TENM2: variants seen among roughly 807,000 people sequenced by gnomAD.
TENM2 encodes the protein teneurin-2.
Under a neutral mutation model 245.2 loss-of-function variants are expected in TENM2, and 52 were observed. The observed-to-expected ratio is 0.21, with a 90% CI of 0.17 to 0.27. TENM2 has a LOEUF of 0.27. Among genes scored for constraint, TENM2 ranks in the 10% least tolerant of loss-of-function variants. The pLI, the probability that TENM2 is intolerant of heterozygous loss-of-function variation, is 1.00. For synonymous variants in TENM2, 1,363 were observed against 1,438.9 expected (o/e 0.95, Z 1.19); for missense variants, 3,046 against 3,666.8 (o/e 0.83, Z 4.37).
At chr5:168,170,040 T>C (rs1758658193) in intron 13 of TENM2, among the ~76,000 whole-genome samples, 1 of 152,194 alleles carries the variant, frequency 6.6e-6, no homozygotes, top group Admixed American at 6.5e-5. Context: ...AGAATTAGCC[T>C]CAACTGAGAT....
chr5:167,467,539 C>G (rs1258026242), intron 2 of TENM2, among the ~76,000 whole-genome samples: 1 of 149,808 alleles, frequency 6.7e-6, no homozygotes, highest in African/African-American at 2.5e-5. Flanking sequence ...AAACAGTAAC[C>G]TTGTGCCATT....
the TENM2 span, among the ~76,000 whole-genome samples, chr5:167,226,698 T>G: frequency 2.0e-5 from 3 of 152,056 alleles, no homozygotes; most frequent in Non-Finnish European, 4.4e-5. Flanking sequence ...TTAGGTTCAT[T>G]TGGTCCAAAA....
rs79463782 is a variant in TENM2 at position 168,066,138 on chromosome 5, A to T, written c.1515+3873A>T. Among the ~76,000 whole-genome samples the T allele has an allele frequency of 1.1e-3, 171 of 152,354 alleles. 1 individual carries two copies. Among genetic ancestry groups the T allele is most frequent in the East Asian group, 9.8e-3 (51 of 5,186 alleles). On this transcript the variant is annotated intron_variant, in intron 7 of 28. Transcript: ENST00000518659. ...TGCTTCGCATGTCCCTCTTAGGTTAACAAGAACTTTGCTCAATGTCAACCT... is the reference window on the plus strand; with the variant it reads ...TGCTTCGCATGTCCCTCTTAGGTTATCAAGAACTTTGCTCAATGTCAACCT...
chr5:167,823,342 G>A (rs1198342836), intron 2 of TENM2, among the ~76,000 whole-genome samples: 18 of 152,078 alleles, frequency 1.2e-4, no homozygotes, highest in Non-Finnish European at 2.5e-4. Context: ...AAGCATGCAT[G>A]TGTGTGTGCA....
At chr5:167,217,836 T>C in the TENM2 span, among the ~76,000 whole-genome samples, 2 of 151,366 alleles carry the variant, frequency 1.3e-5, no homozygotes, top group South Asian at 2.1e-4. Context: ...TGGAAGTCCA[T>C]AGAAGCCGAC....
intron 2 of TENM2, among the ~76,000 whole-genome samples, chr5:167,492,584 A>C (rs1183385216): frequency 6.6e-6 from 1 of 152,176 alleles, no homozygotes; most frequent in African/African-American, 2.4e-5. Flanking sequence ...TATAGAATTT[A>C]CATGGCTATT....
Position 167,328,204 on chromosome 5 carries a change from GTTTTTT to G in TENM2, c.226+43159_226+43164del, listed in dbSNP as rs70976412. 1.9e-4 allele frequency among the ~76,000 whole-genome samples: 17 copies of G among 91,022 alleles called. No homozygotes were observed. The South Asian group carries it at 3.2e-3, about 17-fold the overall frequency. 59.7% of individuals were successfully genotyped at this position (91,022 alleles called of 152,430 possible). ...CAACAGTTCGATAGTTTCTCATATC[GTTTTTT>G]TTTTTTTTTTTTTTTTTGATGGATT... On this transcript the variant is annotated intron_variant, in intron 1 of 28. Transcript: ENST00000518659.
chr5:167,902,341 G>A (rs1480774190), intron 3 of TENM2, among the ~76,000 whole-genome samples: 2 of 152,190 alleles, frequency 1.3e-5, no homozygotes, highest in Non-Finnish European at 2.9e-5. Context: ...GGTGTGGACT[G>A]GGGTTGGAAT....
chr5:167,161,109 A>C, the TENM2 span, among the ~76,000 whole-genome samples: 1 of 152,256 alleles, frequency 6.6e-6, no homozygotes, highest in African/African-American at 2.4e-5. Flanking sequence ...TGTTTGAAGA[A>C]GATTGAACAT....
intron 15 of TENM2, among the ~76,000 whole-genome samples, chr5:168,198,494 C>A (rs1289919141): frequency 6.6e-6 from 1 of 152,164 alleles, no homozygotes; most frequent in African/African-American, 2.4e-5. Flanking sequence ...CCATGCCCTG[C>A]CCAATAAAAT....
At chr5:167,000,302 G>A in the TENM2 span, among the ~76,000 whole-genome samples, 1 of 152,280 alleles carries the variant, frequency 6.6e-6, no homozygotes, top group Non-Finnish European at 1.5e-5. Flanking sequence ...AACCTATTTG[G>A]ATTGTTAGAA....
chr5:167,874,317 A>G (rs1397983937), intron 2 of TENM2, among the ~76,000 whole-genome samples: 1 of 152,170 alleles, frequency 6.6e-6, no homozygotes, highest in Non-Finnish European at 1.5e-5. Flanking sequence ...TGTCTAGCGA[A>G]GTGCAGATAC....
chr5:167,630,566 G>T (rs763484746), intron 2 of TENM2, among the ~76,000 whole-genome samples: 17 of 152,182 alleles, frequency 1.1e-4, no homozygotes, highest in Non-Finnish European at 2.1e-4. Flanking sequence ...CCGCAAATAA[G>T]GGGGGAGTTA....
intron 1 of TENM2, among the ~76,000 whole-genome samples, chr5:167,368,111 G>A (rs1288191238): frequency 6.6e-6 from 1 of 151,728 alleles, no homozygotes; most frequent in Admixed American, 6.6e-5. Flanking sequence ...ATATTCAAAA[G>A]AACAAATGTT....
chr5:167,020,752 GA>G, the TENM2 span, among the ~76,000 whole-genome samples: 1 of 152,188 alleles, frequency 6.6e-6, no homozygotes, highest in Non-Finnish European at 1.5e-5. Context: ...CCAGAGAGAT[GA>G]AAAGTGGTAT....
At chr5:167,152,150 C>T in the TENM2 span, among the ~76,000 whole-genome samples, 4 of 152,148 alleles carry the variant, frequency 2.6e-5, no homozygotes, top group Admixed American at 2.0e-4. Context: ...TCTGATTTCT[C>T]GTATGTATTT....
chr5:167,174,397 C>T, the TENM2 span, among the ~76,000 whole-genome samples: 8 of 152,038 alleles, frequency 5.3e-5, no homozygotes, highest in African/African-American at 1.9e-4. Flanking sequence ...TCTCTAGTGC[C>T]CTTATTTCCC....
At chr5:167,909,641 T>A (rs977243540) in intron 3 of TENM2, among the ~76,000 whole-genome samples, 7 of 152,202 alleles carry the variant, frequency 4.6e-5, no homozygotes, top group African/African-American at 1.4e-4. Context: ...TTGCAAAGAT[T>A]AGAAATCTCA....
At chr5:168,046,363 G>C (rs1199076070) in intron 5 of TENM2, among the ~76,000 whole-genome samples, 5 of 152,188 alleles carry the variant, frequency 3.3e-5, no homozygotes, top group African/African-American at 1.2e-4. Flanking sequence ...CCTGTGTCCA[G>C]TGGAAATGCC....
Sources: allele counts gnomAD v4.1 joint callset (sites outside exome capture counted in the v4.1 genomes callset), GRCh38; gene constraint gnomAD v4.1.1; transcripts MANE v1.5; gene names NCBI Gene and HGNC (gene_info 2026-07-23, HGNC 2026-07-21).